Variants in OR10J1 observed in about 807,000 individuals in gnomAD.
OR10J1 encodes the protein olfactory receptor family 10 subfamily J member 1.
For missense variants in OR10J1, 474 were observed against 376.6 expected, an observed-to-expected ratio of 1.26 and a Z score of -2.14; for synonymous variants, 202 against 143.8, an observed-to-expected ratio of 1.40 and a Z score of -2.89.
the OR10J1 span, among the ~76,000 whole-genome samples, chr1:159,429,486 C>T: frequency 6.6e-6 from 1 of 152,192 alleles, no homozygotes; most frequent in Non-Finnish European, 1.5e-5. Flanking sequence ...AGGCATGAGT[C>T]CTCTTCAACC....
chr1:159,416,363 C>T, the OR10J1 span, among the ~76,000 whole-genome samples: 1 of 151,400 alleles, frequency 6.6e-6, no homozygotes, highest in Non-Finnish European at 1.5e-5. Flanking sequence ...CTTTCTTTGC[C>T]TAGTTTCTTG....
chr1:159,411,234 C>T, the OR10J1 span, among the ~76,000 whole-genome samples: 2 of 151,984 alleles, frequency 1.3e-5, no homozygotes, highest in East Asian at 1.9e-4. Flanking sequence ...CAGAGCTGAG[C>T]TCAATTCCTG....
At chr1:159,437,360 C>A (rs537461386), upstream of OR10J1, among the ~76,000 whole-genome samples, 1 of 152,206 alleles carries the variant, frequency 6.6e-6, no homozygotes, top group South Asian at 2.1e-4. Context: ...AAACCAGATT[C>A]TTATACTAGA....
chr1:159,436,673 A>G (rs1011192777), upstream of OR10J1, among the ~76,000 whole-genome samples: 1 of 152,058 alleles, frequency 6.6e-6, no homozygotes, highest in African/African-American at 2.4e-5. Context: ...CGGTTTTAAA[A>G]AAAAAAAAAA....
the OR10J1 span, among the ~76,000 whole-genome samples, chr1:159,412,637 T>G: frequency 6.6e-6 from 1 of 151,362 alleles, no homozygotes; most frequent in Admixed American, 6.6e-5. Context: ...TAGCCATATG[T>G]AGAAAGCTGA....
At chr1:159,410,513 T>C in the OR10J1 span, among the ~76,000 whole-genome samples, 4 of 152,182 alleles carry the variant, frequency 2.6e-5, no homozygotes, top group African/African-American at 9.6e-5. Context: ...TCTCTGATGG[T>C]AGTTTGTATT....
At position 159,439,851 on chromosome 1, in the gene OR10J1, C is replaced by T. The variant is rs1466134282; in HGVS notation, c.60C>T (p.Phe20=). ...TDFVFQGFSS[F]HEQQITLFGV... ...TTGTTTTCCAAGGTTTCTCTAGCTT[C>T]CATGAGCAGCAGATCACCCTTTTTG... is the stretch of plus-strand genomic sequence containing the variant. The change falls in exon 1 of 1, where the codon TTC becomes TTT. Residue 20 remains phenylalanine (F), a synonymous_variant. Coordinates refer to ENST00000423932, the MANE Select transcript of OR10J1 (RefSeq NM_012351.3). 2.5e-6 allele frequency: 4 copies of T among 1,614,160 alleles called. No homozygotes were observed. Among genetic ancestry groups the T allele is most frequent in the South Asian group, 2.2e-5 (2 of 91,082 alleles).
the OR10J1 span, among the ~76,000 whole-genome samples, chr1:159,430,839 T>C: frequency 4.2e-4 from 64 of 152,164 alleles, no homozygotes; most frequent in Non-Finnish European, 2.6e-4. Flanking sequence ...ATTCATATGG[T>C]CTCCATAGTG....
At chr1:159,404,895 G>A in the OR10J1 span, among the ~76,000 whole-genome samples, 1 of 152,156 alleles carries the variant, frequency 6.6e-6, no homozygotes, top group African/African-American at 2.4e-5. Flanking sequence ...TCCTATATGT[G>A]AAACTTCCTT....
chr1:159,427,091 G>A, the OR10J1 span, among the ~76,000 whole-genome samples: 1 of 151,484 alleles, frequency 6.6e-6, no homozygotes, highest in Non-Finnish European at 1.5e-5. Flanking sequence ...CTTAACATAA[G>A]CATTTAAATA....
chr1:159,440,680 A>T lies in OR10J1; in HGVS notation c.889A>T (p.Lys297Ter), dbSNP rs771829215. Residue 297 changes from lysine to a stop codon, truncating the protein, a stop_gained, in exon 1 of 1, where the codon AAA becomes TAA. Coordinates refer to ENST00000423932, the MANE Select transcript of OR10J1 (RefSeq NM_012351.3). LOFTEE classifies it low-confidence loss of function (END_TRUNC). ...VVYTLRNKEV[K>*]DALCRAVGGK... ...ATACACCCTGAGAAATAAAGAGGTC[A>T]AAGATGCTCTGTGCAGGGCTGTTGG... The T allele has an allele frequency of 6.2e-7, 1 of 1,613,998 alleles. No individual in the cohort carries two copies. The highest frequency in any genetic ancestry group is 8.5e-7 in the Non-Finnish European group (1 of 1,179,964).
At chr1:159,417,281 A>G in the OR10J1 span, among the ~76,000 whole-genome samples, 6 of 152,120 alleles carry the variant, frequency 3.9e-5, no homozygotes, top group African/African-American at 1.2e-4. Context: ...TTCTTTCAAT[A>G]AATCTTATTT....
At chr1:159,417,298 C>T in the OR10J1 span, among the ~76,000 whole-genome samples, 1 of 152,078 alleles carries the variant, frequency 6.6e-6, no homozygotes, top group African/African-American at 2.4e-5. Flanking sequence ...ATTTCCTCCA[C>T]AATTCCTTTC....
At chr1:159,402,190 A>G in the OR10J1 span, among the ~76,000 whole-genome samples, 1 of 152,106 alleles carries the variant, frequency 6.6e-6, no homozygotes, top group Non-Finnish European at 1.5e-5. Context: ...TTCCTGTAAG[A>G]TCTGCAACAC....
At chr1:159,436,686 A>T (rs1315334185), upstream of OR10J1, among the ~76,000 whole-genome samples, 1 of 151,568 alleles carries the variant, frequency 6.6e-6, no homozygotes, top group Admixed American at 6.6e-5. Flanking sequence ...AAAAAAAAGT[A>T]TCACTTCCTT....
At chr1:159,402,412 T>C in the OR10J1 span, among the ~76,000 whole-genome samples, 1 of 152,038 alleles carries the variant, frequency 6.6e-6, no homozygotes, top group African/African-American at 2.4e-5. Context: ...TCAGTAAACT[T>C]GCAGGATAAA....
chr1:159,436,184 A>G (rs1655733056), upstream of OR10J1, among the ~76,000 whole-genome samples: 1 of 151,766 alleles, frequency 6.6e-6, no homozygotes, highest in Non-Finnish European at 1.5e-5. Context: ...TCTTTAGCCC[A>G]ATTCCACTCC....
At chr1:159,426,318 A>G in the OR10J1 span, among the ~76,000 whole-genome samples, 2 of 151,904 alleles carry the variant, frequency 1.3e-5, no homozygotes, top group Admixed American at 1.3e-4. Flanking sequence ...GTATATTAAA[A>G]TGACAAAAAG....
the OR10J1 span, among the ~76,000 whole-genome samples, chr1:159,411,653 A>G: frequency 6.6e-6 from 1 of 152,014 alleles, no homozygotes; most frequent in African/African-American, 2.4e-5. Flanking sequence ...TCTTTATCCA[A>G]TTTGCCAGTC....
Sources: gnomAD v4.1 joint callset for allele counts (sites outside exome capture counted in the v4.1 genomes callset) on GRCh38, gnomAD v4.1.1 for gene constraint, MANE v1.5 for transcripts, NCBI Gene and HGNC (gene_info 2026-07-23, HGNC 2026-07-21) for gene names.